Variants in MAU2 observed in about 807,000 individuals in gnomAD.
MAU2 encodes MAU2 sister chromatid cohesion factor, also known as MAU2 chromatid cohesion factor homolog.
Under a neutral mutation model 89.1 loss-of-function variants are expected in MAU2, and 9 were observed. The observed-to-expected ratio is 0.10, with a 90% CI of 0.06 to 0.18. MAU2 has a LOEUF of 0.18. MAU2 is among the 10% of genes least tolerant of loss of function. MAU2 has a pLI of 1.00. For synonymous variants in MAU2, 357 were observed against 343.4 expected, an observed-to-expected ratio of 1.04 and a Z score of -0.44; for missense variants, 425 against 803.5, an observed-to-expected ratio of 0.53 and a Z score of 5.69.
intron 1 of MAU2, among the ~76,000 whole-genome samples, chr19:19,322,739 A>G (rs1383581374): frequency 1.3e-5 from 2 of 152,054 alleles, no homozygotes; most frequent in Non-Finnish European, 2.9e-5. Context: ...ATAGAAAATT[A>G]TTGAAAAGAA....
intron 1 of MAU2, among the ~76,000 whole-genome samples, chr19:19,326,357 G>A (rs192704205): frequency 3.1e-3 from 471 of 151,748 alleles, no homozygotes; most frequent in Admixed American, 5.7e-3. Context: ...GTTCAAGACC[G>A]GCCTTGGCAA....
rs1210772867 is a variant in MAU2, at chr19:19,342,620, G to A, written c.821G>A (p.Ser274Asn). The change falls in exon 8 of 19, where the codon AGC (serine) becomes AAC (asparagine). Residue 274 changes from serine to asparagine, a missense_variant. Coordinates refer to ENST00000262815, the MANE Select transcript of MAU2 (RefSeq NM_015329.4). ...STLHDDEILP[S>N]NPADLFHWLP... ...CTGCACGATGATGAGATCCTGCCCA[G>A]CAACCCCGCTGACCTCTTCCACTGG... The A allele has an allele frequency of 1.9e-6, 3 of 1,613,330 alleles. No individual in the cohort carries two copies. The East Asian group carries it at 6.7e-5, about 36-fold the overall frequency.
At chr19:19,328,283 C>A (rs900207325) in intron 1 of MAU2, among the ~76,000 whole-genome samples, 1 of 151,036 alleles carries the variant, frequency 6.6e-6, no homozygotes, top group Non-Finnish European at 1.5e-5. Context: ...TGTAAGTTTT[C>A]ATTCTTCTCC....
intron 1 of MAU2, among the ~76,000 whole-genome samples, chr19:19,322,137 A>G (rs1662184494): frequency 6.6e-6 from 1 of 151,800 alleles, no homozygotes. Context: ...AGCTGAGACT[A>G]CAGGCGCCCG....
intron 18 of MAU2, 63 bp from the exon 19 acceptor site, chr19:19,355,645 C>A: frequency 6.9e-7 from 1 of 1,445,228 alleles, no homozygotes; most frequent in Non-Finnish European, 9.5e-7. Flanking sequence ...GGCAGCATTC[C>A]AACCTCTTCT....
chr19:19,336,493 C>G lies in MAU2; in HGVS notation c.360+306C>G, dbSNP rs1049507633. 2.0e-5 allele frequency among the ~76,000 whole-genome samples: 3 copies of G among 151,984 alleles called. 1 individual carries two copies. The South Asian group carries it at 6.2e-4, about 32-fold the overall frequency. On this transcript the variant is annotated intron_variant, in intron 3 of 18. Transcript: ENST00000262815. Reference sequence around the variant, plus strand: ...TTTTTTTATTTGTTCTAGAGATGATCTCGCCCAGGCTGGCCTCAAGCAATC... The same window carrying G: ...TTTTTTTATTTGTTCTAGAGATGATGTCGCCCAGGCTGGCCTCAAGCAATC...
At chr19:19,350,244 G>A (rs1167846228) in intron 16 of MAU2, among the ~76,000 whole-genome samples, 6 of 149,860 alleles carry the variant, frequency 4.0e-5, no homozygotes, top group African/African-American at 1.2e-4. Context: ...TGCATTGAAC[G>A]GAGATCATGC....
At chr19:19,344,435 A>G (rs1568662556) in intron 10 of MAU2, 1 of 243,730 alleles carries the variant, frequency 4.1e-6, no homozygotes, top group South Asian at 6.9e-5. Context: ...CAAAAAACTA[A>G]TGGGCCATGG....
rs768681897 is a variant in MAU2 at position 19,341,416 on chromosome 19, C to A, written c.735+9C>A. On this transcript the variant is annotated intron_variant, in intron 7 of 18. Transcript: ENST00000262815. ...ATCTGGATGCCGGGCAGGTGTGTGG[C>A]GCCTCTCAGGCGAGCTGCTGGTTGT... 1 of 1,613,156 alleles carries A rather than the reference C, an allele frequency of 6.2e-7. No individual in the cohort carries two copies. The highest frequency in any genetic ancestry group is 2.2e-5 in the East Asian group (1 of 44,882).
intron 16 of MAU2, chr19:19,352,298 C>T (rs1466649937): frequency 6.6e-6 from 1 of 152,126 alleles, no homozygotes; most frequent in Non-Finnish European, 1.5e-5. Flanking sequence ...TGTGTCTTGG[C>T]CTGTAAAGTT....
chr19:19,337,021 T>A, intron 3 of MAU2, 149 bp from the exon 4 acceptor site: 1 of 616,020 alleles, frequency 1.6e-6, no homozygotes, highest in Non-Finnish European at 2.9e-6. Context: ...TTACTTTTAA[T>A]AAAGTAAATT....
intron 1 of MAU2, among the ~76,000 whole-genome samples, chr19:19,325,985 G>T (rs888215109): frequency 6.8e-6 from 1 of 147,980 alleles, no homozygotes; most frequent in Non-Finnish European, 1.5e-5. Context: ...GTTTCTAATG[G>T]TCTCCTCAAC....
rs1339565715 is a variant in MAU2 at position 19,334,475 on chromosome 19, C to T, written c.277-1243C>T. On this transcript the variant is annotated intron_variant, in intron 1 of 18. Transcript: ENST00000262815. ...CATTCCCAGCTGCTGCTCACCCTTG[C>T]CCTAGAGATCTCCAGCCCCAAGGCT... The T allele has an allele frequency of 4.1e-6, 4 of 985,896 alleles. No homozygotes were observed. In the East Asian group the frequency reaches 4.5e-4, roughly 112 times the overall value. 61.1% of individuals were successfully genotyped at this position (985,896 alleles called of 1,614,324 possible).
chr19:19,326,497 T>C (rs1042740955), intron 1 of MAU2, among the ~76,000 whole-genome samples: 3 of 151,282 alleles, frequency 2.0e-5, no homozygotes, highest in African/African-American at 4.9e-5. Context: ...CCATCCTGGC[T>C]AACAAGGTGA....
In MAU2 at chr19:19,356,209, G is replaced by T; in HGVS notation, c.*427G>T. Reference sequence around the variant, plus strand: ...CGAGCGGGAGTAGAGTGTTTCCTCTGCTCAAGGCAATTTCCAGAGCCCGGA... The same window carrying T: ...CGAGCGGGAGTAGAGTGTTTCCTCTTCTCAAGGCAATTTCCAGAGCCCGGA... On this transcript the variant is annotated 3_prime_UTR_variant, in exon 19 of 19. Transcript: ENST00000262815. 2 of 363,984 alleles carry T rather than the reference G, an allele frequency of 5.5e-6. No individual in the cohort carries two copies. The highest frequency in any genetic ancestry group is 1.1e-5 in the Non-Finnish European group (2 of 183,942). The allele number at this position is 363,984 out of a possible 1,614,324, so 22.5% of individuals were successfully genotyped here. A position where few individuals can be genotyped will look rare whatever the true frequency, so the allele number is the denominator to read the frequency against.
intron 1 of MAU2, among the ~76,000 whole-genome samples, chr19:19,324,678 G>C (rs73524674): frequency 1.6e-3 from 251 of 152,286 alleles, no homozygotes; most frequent in African/African-American, 5.7e-3. Context: ...AAGTGCCTTT[G>C]CTCTGTCAAA....
Position 19,345,381 on chromosome 19 carries a change from G to A in MAU2, c.1221+12G>A. 2 of 1,613,200 alleles carry A rather than the reference G, an allele frequency of 1.2e-6. No individual in the cohort carries two copies. Among genetic ancestry groups the A allele is most frequent in the Non-Finnish European group, 1.7e-6 (2 of 1,179,854 alleles). On this transcript the variant is annotated intron_variant, in intron 12 of 18. Coordinates refer to ENST00000262815, the MANE Select transcript of MAU2 (RefSeq NM_015329.4). The surrounding 1 kb of genome is among the most constrained non-coding windows in gnomAD (Gnocchi z 4.9). ...CCACGGCCCTGCGGGTAAGGTGCCG[G>A]CCCTCCTTGCTGCTCGGGGCGGGCC...
intron 7 of MAU2, among the ~76,000 whole-genome samples, chr19:19,342,195 A>C (rs1238793942): frequency 6.6e-6 from 1 of 152,098 alleles, no homozygotes; most frequent in Non-Finnish European, 1.5e-5. Flanking sequence ...CCACCCCCTC[A>C]GAGCACAGCC....
At chr19:19,354,249 G>A (rs550533291) in intron 16 of MAU2, 106 bp from the exon 17 acceptor site, 3 of 790,660 alleles carry the variant, frequency 3.8e-6, no homozygotes, top group Admixed American at 3.9e-5. Flanking sequence ...CACAACCTGG[G>A]CTGGGTTCAG....
Sources: gnomAD v4.1 joint callset for allele counts (sites outside exome capture counted in the v4.1 genomes callset) on GRCh38, gnomAD v4.1.1 for gene constraint, Gnocchi (gnomAD v3.1) non-coding constraint, MANE v1.5 for transcripts, NCBI Gene and HGNC (gene_info 2026-07-23, HGNC 2026-07-21) for gene names.